The following CHSY3 variants were observed in gnomAD, a reference collection of about 807,000 sequenced individuals.
CHSY3 encodes chondroitin sulfate synthase 3.
CHSY3 carries 35 observed loss-of-function variants against 67.2 expected under a neutral mutation model. The observed-to-expected ratio is 0.52, with a 90% CI of 0.40 to 0.69. The LOEUF (loss-of-function observed/expected upper bound fraction) is 0.69. Among genes scored for constraint, CHSY3 ranks in the 30% least tolerant of loss-of-function variants. The probability of loss-of-function intolerance (pLI) is 0.00; values close to 1 mark genes in which losing one functional copy is unlikely to be tolerated. For missense variants in CHSY3, 1,069 were observed against 1,138.5 expected (o/e 0.94, Z 0.88); for synonymous variants, 474 against 434.7 (o/e 1.09, Z -1.12).
chr5:130,162,057 A>AAAAAAAAAAAAAAAAAAG (rs1554087189), intron 2 of CHSY3, among the ~76,000 whole-genome samples: 3 of 122,976 alleles, frequency 2.4e-5, no homozygotes, highest in African/African-American at 3.1e-5. Flanking sequence ...AAAAAAAAAA[A>AAAAAAAAAAAAAAAAAAG]AAAGAAAGAA....
chr5:130,038,153 T>C (rs1764911375), intron 2 of CHSY3, among the ~76,000 whole-genome samples: 1 of 152,102 alleles, frequency 6.6e-6, no homozygotes, highest in South Asian at 2.1e-4. Flanking sequence ...TAACTGACTG[T>C]AGGGAGTGAC....
chr5:129,963,314 G>C (rs1481070367), intron 2 of CHSY3, among the ~76,000 whole-genome samples: 22 of 151,976 alleles, frequency 1.4e-4, no homozygotes, highest in Admixed American at 1.4e-3. Flanking sequence ...GTTAGGGTAG[G>C]CATGAGAAAC....
At chr5:130,027,521 T>A (rs144828195) in intron 2 of CHSY3, among the ~76,000 whole-genome samples, 2,105 of 152,222 alleles carry the variant, frequency 0.014, 49 homozygotes, top group African/African-American at 0.048. Flanking sequence ...GTGCACAACA[T>A]GCAGGTTTGT....
intron 2 of CHSY3, among the ~76,000 whole-genome samples, chr5:129,985,061 A>G (rs954031351): frequency 2.0e-5 from 3 of 152,142 alleles, no homozygotes; most frequent in Non-Finnish European, 2.9e-5. Flanking sequence ...TTTTGTTACA[A>G]TTGCTGTTAT....
intron 2 of CHSY3, among the ~76,000 whole-genome samples, chr5:130,153,606 C>T (rs1274180585): frequency 6.6e-6 from 1 of 152,144 alleles, no homozygotes; most frequent in Non-Finnish European, 1.5e-5. Flanking sequence ...AGGCAGGATT[C>T]TACTTCAGCA....
intron 2 of CHSY3, among the ~76,000 whole-genome samples, chr5:130,094,147 C>T (rs1561533990): frequency 6.6e-6 from 1 of 152,110 alleles, no homozygotes. Flanking sequence ...CAAGAAAGCA[C>T]CACCTTCTTC....
chr5:130,089,810 C>T (rs995928900), intron 2 of CHSY3, among the ~76,000 whole-genome samples: 1 of 152,096 alleles, frequency 6.6e-6, no homozygotes, highest in Non-Finnish European at 1.5e-5. Context: ...AATTGCAGAG[C>T]TCTGTAAATT....
At chr5:130,081,845 T>C (rs558051815) in intron 2 of CHSY3, among the ~76,000 whole-genome samples, 1 of 152,234 alleles carries the variant, frequency 6.6e-6, no homozygotes, top group African/African-American at 2.4e-5. Context: ...CTCTCGGATG[T>C]TTCTTCATAG....
intron 1 of CHSY3, 76 bp downstream of exon 1, chr5:129,905,707 C>T (rs1211795568): frequency 5.8e-6 from 9 of 1,552,086 alleles, no homozygotes; most frequent in Non-Finnish European, 7.8e-6. Flanking sequence ...TAGCCCCTGC[C>T]CAGCCCCTCC....
intron 2 of CHSY3, among the ~76,000 whole-genome samples, chr5:129,956,073 G>T (rs1002035961): frequency 6.6e-6 from 1 of 152,086 alleles, no homozygotes; most frequent in Admixed American, 6.6e-5. Context: ...TGGGTTGAAG[G>T]TTCTCTAAAA....
chr5:130,047,247 A>G (rs147983671), intron 2 of CHSY3, among the ~76,000 whole-genome samples: 102 of 152,176 alleles, frequency 6.7e-4, no homozygotes, highest in Admixed American at 4.3e-3. Flanking sequence ...ACTTTAACTC[A>G]GCTCACCTTT....
chr5:129,976,715 C>G (rs1269688950), intron 2 of CHSY3, among the ~76,000 whole-genome samples: 1 of 151,850 alleles, frequency 6.6e-6, no homozygotes, highest in African/African-American at 2.4e-5. Flanking sequence ...GAACTGGCTA[C>G]TCTGGCATTT....
At chr5:129,907,353 T>C (rs1370085652) in intron 1 of CHSY3, among the ~76,000 whole-genome samples, 1 of 152,176 alleles carries the variant, frequency 6.6e-6, no homozygotes, top group Non-Finnish European at 1.5e-5. Flanking sequence ...GCTGTGCTCA[T>C]CAAAAATGGT....
chr5:129,975,794 T>C (rs751874614), intron 2 of CHSY3, among the ~76,000 whole-genome samples: 8 of 152,178 alleles, frequency 5.3e-5, no homozygotes, highest in East Asian at 1.9e-4. Flanking sequence ...ATCATAGTTA[T>C]GTATGAAATT....
chr5:130,067,224 C>G (rs1343509895), intron 2 of CHSY3, among the ~76,000 whole-genome samples: 1 of 152,114 alleles, frequency 6.6e-6, no homozygotes, highest in Non-Finnish European at 1.5e-5. Flanking sequence ...CCAAATAGTT[C>G]TCTTCCTTGT....
chr5:130,130,378 ATATCTGGAATTCTGATC>A (rs1768442589), intron 2 of CHSY3, among the ~76,000 whole-genome samples: 1 of 152,162 alleles, frequency 6.6e-6, no homozygotes. Context: ...TCTATGGTGT[ATATCTGGAATTCTGATC>A]TCAGGTTCCT....
At chr5:129,993,331 T>G (rs1763426462) in intron 2 of CHSY3, among the ~76,000 whole-genome samples, 1 of 152,172 alleles carries the variant, frequency 6.6e-6, no homozygotes, top group Non-Finnish European at 1.5e-5. Flanking sequence ...CCACTATTAT[T>G]GTGTGGGAGT....
At chr5:130,141,738 G>T in intron 2 of CHSY3, 2 of 505,738 alleles carry the variant, frequency 4.0e-6, no homozygotes, top group South Asian at 3.0e-5. Context: ...TTCTTGATAA[G>T]GGTATTAAAA....
At chr5:129,914,036 T>C (rs1253261819) in intron 2 of CHSY3, among the ~76,000 whole-genome samples, 1 of 152,216 alleles carries the variant, frequency 6.6e-6, no homozygotes, top group Non-Finnish European at 1.5e-5. Flanking sequence ...CTTAATAACA[T>C]ATTTTTAAGG....
Sources: allele counts gnomAD v4.1 joint callset (sites outside exome capture counted in the v4.1 genomes callset), GRCh38; gene constraint gnomAD v4.1.1; transcripts MANE v1.5; gene names NCBI Gene and HGNC (gene_info 2026-07-23, HGNC 2026-07-21).